The following SETD2 variants were observed in gnomAD, a reference collection of about 807,000 sequenced individuals.
SETD2 encodes the protein SET domain containing 2, histone lysine methyltransferase, also known as histone-lysine N-methyltransferase SETD2.
A neutral mutation model predicts 242.1 loss-of-function variants in SETD2; 31 were observed. That is an observed-to-expected ratio of 0.13 (90% CI 0.10 to 0.17). The LOEUF (loss-of-function observed/expected upper bound fraction) is 0.17. SETD2 is among the 10% of genes least tolerant of loss of function. The probability of loss-of-function intolerance (pLI) is 1.00; values close to 1 mark genes in which losing one functional copy is unlikely to be tolerated. For missense variants in SETD2, 2,481 were observed against 3,046.3 expected, an observed-to-expected ratio of 0.81 and a Z score of 4.37; for synonymous variants, 1,006 against 1,066.5, an observed-to-expected ratio of 0.94 and a Z score of 1.11.
chr3:47,103,192 T>C (rs2042282220), intron 7 of SETD2, among the ~76,000 whole-genome samples, 154 bp downstream of exon 7: 2 of 152,218 alleles, frequency 1.3e-5, no homozygotes, highest in African/African-American at 4.8e-5. Context: ...CCTATAAATC[T>C]AAACCTATTT....
rs1012111652 is a variant in SETD2, at chr3:47,116,717, G to T, written c.4492C>A (p.Gln1498Lys). 4 of 1,605,238 alleles carry T rather than the reference G, an allele frequency of 2.5e-6. No homozygotes were observed. Among genetic ancestry groups the T allele is most frequent in the Non-Finnish European group, 3.4e-6 (4 of 1,172,710 alleles). ...TTAGAAAGAGGTGTACACTCACACT[G>T]CATTCGCTTAATATCTCGATGAGAT... is the stretch of plus-strand genomic sequence containing the variant. The part of the protein sequence containing the change: ...NKSHRDIKRM[Q>K]CECTPLSKDE... Residue 1498 changes from glutamine (Q) to lysine (K), a missense_variant, in exon 4 of 21, where the codon CAG (glutamine) becomes AAG (lysine). Physicochemically the swap from Gln to Lys is moderately conservative, Grantham distance 53 (BLOSUM62 1). Around this residue, in one of 17 missense-constraint regions of SETD2, gnomAD observed 48 missense variants for 76.6 expected, o/e 0.63. Transcript: ENST00000409792.
At chr3:47,085,264 C>T (rs937791630) in intron 11 of SETD2, among the ~76,000 whole-genome samples, 5 of 152,146 alleles carry the variant, frequency 3.3e-5, no homozygotes, top group African/African-American at 9.7e-5. Context: ...ACCTGGGTAG[C>T]TTTTTAAACA....
chr3:47,157,291 G>A (rs533167584), intron 1 of SETD2, among the ~76,000 whole-genome samples: 1 of 152,042 alleles, frequency 6.6e-6, no homozygotes, highest in African/African-American at 2.4e-5. Flanking sequence ...GAGTGGTGGT[G>A]CACATTTGCA....
chr3:47,042,741 T>C, intron 16 of SETD2, 41 bp from the exon 17 acceptor site: 1 of 1,551,134 alleles, frequency 6.4e-7, no homozygotes, highest in Non-Finnish European at 8.7e-7. Flanking sequence ...GTGATCTCTC[T>C]CTTAATCTGG....
rs140955692 is a variant in SETD2, at chr3:47,087,615, C to T, written c.5277+498G>A. ...ATTAAATGATACTGAACTCTTTAGC[C>T]ATTTTAAATAATATGGTACAAGCTT... On this transcript the variant is annotated intron_variant, in intron 10 of 20. Coordinates refer to ENST00000409792, the MANE Select transcript of SETD2 (RefSeq NM_014159.7). 2.6e-5 allele frequency among the ~76,000 whole-genome samples: 4 copies of T among 152,242 alleles called. No homozygotes were observed. The East Asian group carries it at 7.7e-4, about 29-fold the overall frequency.
chr3:47,163,052 G>A (rs1026631494), intron 1 of SETD2, among the ~76,000 whole-genome samples: 1 of 152,210 alleles, frequency 6.6e-6, no homozygotes, highest in African/African-American at 2.4e-5. Context: ...TTTAGGGTAA[G>A]AGATTCCTGT....
intron 12 of SETD2, among the ~76,000 whole-genome samples, chr3:47,072,264 C>T (rs13091054): frequency 0.48 from 72,958 of 151,778 alleles, 19,222 homozygotes; most frequent in Non-Finnish European, 0.58. Context: ...GCTGAGATCA[C>T]GCCACTGCAC....
intron 12 of SETD2, among the ~76,000 whole-genome samples, chr3:47,071,940 A>C (rs1575726481): frequency 6.6e-6 from 1 of 152,216 alleles, no homozygotes; most frequent in African/African-American, 2.4e-5. Context: ...TAAATAATTT[A>C]TAAGAAATCT....
intron 9 of SETD2, among the ~76,000 whole-genome samples, chr3:47,091,698 G>A (rs1002012251): frequency 3.3e-5 from 5 of 152,166 alleles, no homozygotes; most frequent in Admixed American, 3.3e-4. Flanking sequence ...GGGAGGCGGA[G>A]GTTACAGTGA....
intron 1 of SETD2, among the ~76,000 whole-genome samples, chr3:47,149,116 A>G (rs942893719): frequency 6.6e-6 from 1 of 152,198 alleles, no homozygotes; most frequent in Non-Finnish European, 1.5e-5. Context: ...AATTCTGAAG[A>G]CCTTTAGGAA....
At chr3:47,021,593 A>G (rs2038221673) in intron 18 of SETD2, among the ~76,000 whole-genome samples, 1 of 152,188 alleles carries the variant, frequency 6.6e-6, no homozygotes. Flanking sequence ...GAGAAAGGAA[A>G]TGATAAAATG....
chr3:47,067,404 ATCTT>A (rs2040604302), intron 12 of SETD2, among the ~76,000 whole-genome samples: 1 of 137,786 alleles, frequency 7.3e-6, no homozygotes, highest in Non-Finnish European at 1.5e-5. Context: ...CTTCCTGAGC[ATCTT>A]TTTTTTTTTT....
chr3:47,047,684 T>C (rs1013788461), intron 15 of SETD2, among the ~76,000 whole-genome samples: 6 of 152,188 alleles, frequency 3.9e-5, no homozygotes, highest in African/African-American at 1.4e-4. Flanking sequence ...AACACTTAAT[T>C]TGGTATTCTG....
intron 15 of SETD2, among the ~76,000 whole-genome samples, chr3:47,052,831 A>C (rs1178780296): frequency 6.6e-6 from 1 of 152,026 alleles, no homozygotes; most frequent in Non-Finnish European, 1.5e-5. Context: ...ATAAAAAAAA[A>C]TTGTTACACG....
At position 47,122,846 on chromosome 3, in the gene SETD2, C is replaced by G. The variant is rs774362891; in HGVS notation, c.1790G>C (p.Gly597Ala). The G allele has an allele frequency of 6.2e-6, 10 of 1,613,330 alleles. No homozygotes were observed. In the South Asian group the frequency reaches 7.7e-5, roughly 12 times the overall value. The change falls in exon 3 of 21, where the codon GGT becomes GCT. Residue 597 changes from glycine to alanine, a missense_variant. Physicochemically the swap from Gly to Ala is moderately conservative, Grantham distance 60 (BLOSUM62 0). Around this residue, in one of 17 missense-constraint regions of SETD2, gnomAD observed 1,300 missense variants for 1,259.2 expected, o/e 1.03. Transcript: ENST00000409792. ...SFSLQTPCSKGSELRMINKNP... is the reference protein window; with the variant it reads ...SFSLQTPCSKASELRMINKNP... ...TTTATTAATCATTCTTAATTCACTACCTTTTGAACAAGGTGTCTGTAAACT... is the reference window on the plus strand; with the variant it reads ...TTTATTAATCATTCTTAATTCACTAGCTTTTGAACAAGGTGTCTGTAAACT...
At chr3:47,113,838 C>G (rs940476868) in intron 5 of SETD2, 38 bp downstream of exon 5, 2 of 1,597,368 alleles carry the variant, frequency 1.3e-6, no homozygotes, top group Non-Finnish European at 8.5e-7. Flanking sequence ...GACCTTGTCT[C>G]AAAAAAGGAA....
chr3:47,132,667 A>G (rs2043506792), intron 1 of SETD2, among the ~76,000 whole-genome samples: 1 of 152,140 alleles, frequency 6.6e-6, no homozygotes, highest in Admixed American at 6.5e-5. Flanking sequence ...TGAATTTCGT[A>G]ACTACAAATC....
At chr3:47,081,702 C>G (rs755698292) in intron 12 of SETD2, among the ~76,000 whole-genome samples, 1 of 151,972 alleles carries the variant, frequency 6.6e-6, no homozygotes, top group Non-Finnish European at 1.5e-5. Context: ...AAAACAGAGC[C>G]ATAGTAAATG....
At chr3:47,042,403 TA>T (rs2039323065) in intron 17 of SETD2, among the ~76,000 whole-genome samples, 157 bp downstream of exon 17, 1 of 152,158 alleles carries the variant, frequency 6.6e-6, no homozygotes, top group Non-Finnish European at 1.5e-5. Context: ...GTCTAACGTC[TA>T]AAATACACTT....
Sources: gnomAD v4.1 joint callset for allele counts (sites outside exome capture counted in the v4.1 genomes callset) on GRCh38, gnomAD v4.1.1 for gene constraint, gnomAD v4.1.1 regional missense constraint, MANE v1.5 for transcripts, NCBI Gene and HGNC (gene_info 2026-07-23, HGNC 2026-07-21) for gene names.